SPIDR: variants seen among roughly 807,000 people sequenced by gnomAD.
SPIDR encodes DNA repair-scaffolding protein.
In SPIDR, 93 loss-of-function variants were observed where a neutral mutation model predicts 104.6. The observed-to-expected ratio is 0.89, with a 90% confidence interval of 0.75 to 1.06. SPIDR has a LOEUF of 1.06. Among genes scored for constraint, SPIDR ranks in the 50% least tolerant of loss-of-function variants. The pLI, the probability that SPIDR is intolerant of heterozygous loss-of-function variation, is 0.00. For synonymous variants in SPIDR, 431 were observed against 416.9 expected, an observed-to-expected ratio of 1.03 and a Z score of -0.41; for missense variants, 1,154 against 1,111.2, an observed-to-expected ratio of 1.04 and a Z score of -0.55.
chr8:47,618,756 A>C (rs1421311270), intron 10 of SPIDR, among the ~76,000 whole-genome samples: 1 of 152,194 alleles, frequency 6.6e-6, no homozygotes, highest in Non-Finnish European at 1.5e-5. Context: ...TTTTAGCTTT[A>C]TTTATGAGAA....
At chr8:47,412,312 T>C (rs2063647487) in intron 7 of SPIDR, among the ~76,000 whole-genome samples, 1 of 151,852 alleles carries the variant, frequency 6.6e-6, no homozygotes, top group Non-Finnish European at 1.5e-5. Flanking sequence ...CCATTTGTTA[T>C]TTAGAATTTA....
intron 7 of SPIDR, among the ~76,000 whole-genome samples, chr8:47,431,345 T>C (rs945452961): frequency 2.0e-5 from 3 of 152,214 alleles, no homozygotes; most frequent in Admixed American, 2.0e-4. Flanking sequence ...AACATAGGAA[T>C]TTTGAGGGGA....
At chr8:47,462,254 C>T (rs1448877068) in intron 8 of SPIDR, among the ~76,000 whole-genome samples, 1 of 152,194 alleles carries the variant, frequency 6.6e-6, no homozygotes, top group African/African-American at 2.4e-5. Context: ...GCACAGAGTC[C>T]TGTAATGTGA....
At chr8:47,499,064 A>G (rs1000816601) in intron 8 of SPIDR, among the ~76,000 whole-genome samples, 1 of 152,186 alleles carries the variant, frequency 6.6e-6, no homozygotes, top group Admixed American at 6.5e-5. Flanking sequence ...ACTGTTTAGC[A>G]AAAGAAACCA....
chr8:47,552,168 G>T (rs2090605935), intron 8 of SPIDR, among the ~76,000 whole-genome samples: 1 of 152,114 alleles, frequency 6.6e-6, no homozygotes, highest in Non-Finnish European at 1.5e-5. Context: ...TTTTACATTT[G>T]CTGAGGAGTG....
intron 8 of SPIDR, among the ~76,000 whole-genome samples, chr8:47,505,819 A>G (rs777236823): frequency 6.6e-6 from 1 of 152,054 alleles, no homozygotes; most frequent in Non-Finnish European, 1.5e-5. Flanking sequence ...CTTCCCTACT[A>G]AGGATATTAG....
At position 47,347,686 on chromosome 8, in the gene SPIDR, C is replaced by T. The variant is rs2052435416; in HGVS notation, c.526-48690C>T. Among the ~76,000 whole-genome samples the T allele has an allele frequency of 2.6e-5, 4 of 152,038 alleles. No homozygotes were observed. The South Asian group carries it at 8.3e-4, about 31-fold the overall frequency. On this transcript the variant is annotated intron_variant, in intron 5 of 19. Transcript: ENST00000297423. ...GATAGTTAGCTCTTCTTGTTGATCC[C>T]TTTACCATTATGTAATGGCCTTCTT...
At chr8:47,390,440 C>T (rs1563821851) in intron 5 of SPIDR, among the ~76,000 whole-genome samples, 1 of 151,634 alleles carries the variant, frequency 6.6e-6, no homozygotes, top group African/African-American at 2.4e-5. Context: ...TAATGATCTA[C>T]AGCTGCTGTG....
At chr8:47,672,246 C>T (rs975554104) in intron 10 of SPIDR, among the ~76,000 whole-genome samples, 1 of 152,226 alleles carries the variant, frequency 6.6e-6, no homozygotes, top group African/African-American at 2.4e-5. Flanking sequence ...CAGGTGTGAG[C>T]CACTATGGCC....
intron 5 of SPIDR, among the ~76,000 whole-genome samples, chr8:47,346,989 C>T (rs1441336363): frequency 6.6e-6 from 1 of 152,144 alleles, no homozygotes; most frequent in African/African-American, 2.4e-5. Flanking sequence ...TTCTTGCCTT[C>T]TGCTAGCTTT....
chr8:47,629,906 G>T (rs1487434012), intron 10 of SPIDR, among the ~76,000 whole-genome samples: 1 of 152,212 alleles, frequency 6.6e-6, no homozygotes, highest in Non-Finnish European at 1.5e-5. Context: ...GGAATTTTCA[G>T]CCACTTTTTT....
At chr8:47,436,180 G>T (rs912872997) in intron 7 of SPIDR, among the ~76,000 whole-genome samples, 1 of 152,178 alleles carries the variant, frequency 6.6e-6, no homozygotes, top group Admixed American at 6.5e-5. Context: ...AGCCGCTACT[G>T]TGTCCATTTA....
rs1185133564 is a variant in SPIDR at position 47,735,107 on chromosome 8, T to TGG, written c.2605-199_2605-198insGG. ...AAATGGGTGTGTGGGTGTGTGTGTGTGTGGGTGTGTGTGTGTGTGTGTGTG... is the reference window on the plus strand; with the variant it reads ...AAATGGGTGTGTGGGTGTGTGTGTGTGGGTGGGTGTGTGTGTGTGTGTGTGTG... On this transcript the variant is annotated intron_variant, in intron 19 of 19. Coordinates refer to ENST00000297423, the MANE Select transcript of SPIDR (RefSeq NM_001080394.4). Among the ~76,000 whole-genome samples, 352 of 128,376 alleles carry TGG rather than the reference T, an allele frequency of 2.7e-3. 1 individual carries two copies. Among genetic ancestry groups the TGG allele is most frequent in the African/African-American group, 0.012 (344 of 27,886 alleles). 84.2% of individuals were successfully genotyped at this position (128,376 alleles called of 152,430 possible). A position where few individuals can be genotyped will look rare whatever the true frequency, so the allele number is the denominator to read the frequency against.
At chr8:47,414,878 T>G (rs979422183) in intron 7 of SPIDR, among the ~76,000 whole-genome samples, 2 of 152,140 alleles carry the variant, frequency 1.3e-5, no homozygotes, top group Non-Finnish European at 2.9e-5. Context: ...TCTAACACAT[T>G]ATTCTGCCCG....
chr8:47,668,574 T>C (rs977321242), intron 10 of SPIDR, among the ~76,000 whole-genome samples: 1 of 152,006 alleles, frequency 6.6e-6, no homozygotes, highest in Admixed American at 6.6e-5. Context: ...AAGCAAACAT[T>C]AGTGACTATA....
At position 47,293,947 on chromosome 8, in the gene SPIDR, G is replaced by T. The variant is rs1465418557; in HGVS notation, c.442G>T (p.Gly148Cys). 1.9e-6 allele frequency: 3 copies of T among 1,614,076 alleles called. No individual in the cohort carries two copies. In the African/African-American group the frequency reaches 4.0e-5, roughly 22 times the overall value. The change falls in exon 5 of 20, where the codon GGT (glycine) becomes TGT (cysteine). Residue 148 changes from glycine (G) to cysteine (C), a missense_variant. Physicochemically the swap from Gly to Cys is radical, Grantham distance 159 (BLOSUM62 -3). Transcript: ENST00000297423. ...SDCDEFEDDE[G>C]AVEISDCASC... ...CTGTGATGAATTTGAAGATGACGAG[G>T]GTGCTGTGGAAATCTCAGACTGTGC...
At chr8:47,720,344 C>T (rs943516734) in intron 16 of SPIDR, among the ~76,000 whole-genome samples, 1 of 152,168 alleles carries the variant, frequency 6.6e-6, no homozygotes, top group Non-Finnish European at 1.5e-5. Flanking sequence ...TGGGTAAATA[C>T]CAAGAAGTAT....
intron 1 of SPIDR, 49 bp from the exon 2 acceptor site, chr8:47,279,813 T>A: frequency 6.4e-7 from 1 of 1,553,944 alleles, no homozygotes; most frequent in Non-Finnish European, 8.8e-7. Context: ...TTAATGAAGT[T>A]GATTTTGTTT....
rs188110176 is a variant in SPIDR, at chr8:47,542,039, A to G, written c.1098-53772A>G. 1.1e-3 allele frequency among the ~76,000 whole-genome samples: 173 copies of G among 152,334 alleles called. 2 individuals are homozygous for G. Among genetic ancestry groups the G allele is most frequent in the African/African-American group, 4.0e-3 (167 of 41,570 alleles). ...AGGCACATTCTGGAAACCCCAGTCA[A>G]ATCAGTTAAACACATGCACTTGCTG... On this transcript the variant is annotated intron_variant, in intron 8 of 19. Transcript: ENST00000297423.
Sources: gnomAD v4.1 joint callset for allele counts (sites outside exome capture counted in the v4.1 genomes callset) on GRCh38, gnomAD v4.1.1 for gene constraint, MANE v1.5 for transcripts, NCBI Gene and HGNC (gene_info 2026-07-23, HGNC 2026-07-21) for gene names.